RBM20: variants seen among roughly 807,000 people sequenced by gnomAD.
RBM20 encodes RNA-binding protein 20.
RBM20 carries 51 observed loss-of-function variants against 110.1 expected under a neutral mutation model. That is an observed-to-expected ratio of 0.46 (90% CI 0.37 to 0.59). RBM20 has a LOEUF of 0.59. Ranked by LOEUF, RBM20 falls within the 20% of genes least tolerant of loss-of-function variation. RBM20 has a pLI of 0.00. For missense variants in RBM20, 1,512 were observed against 1,574.9 expected, an observed-to-expected ratio of 0.96 and a Z score of 0.68; for synonymous variants, 589 against 618.2, an observed-to-expected ratio of 0.95 and a Z score of 0.70.
At chr10:110,738,317 G>T (rs535535500) in intron 1 of RBM20, among the ~76,000 whole-genome samples, 2 of 152,172 alleles carry the variant, frequency 1.3e-5, no homozygotes, top group African/African-American at 4.8e-5. Context: ...AGTGCCCACT[G>T]CTGCTTACAG....
chr10:110,768,106 T>A (rs958734611), intron 1 of RBM20, among the ~76,000 whole-genome samples: 2 of 152,206 alleles, frequency 1.3e-5, no homozygotes, highest in African/African-American at 4.8e-5. Flanking sequence ...GGCGCGCGCC[T>A]GCAATCGCAG....
chr10:110,661,468 G>T (rs542838480), intron 1 of RBM20, among the ~76,000 whole-genome samples: 1 of 152,292 alleles, frequency 6.6e-6, no homozygotes, highest in African/African-American at 2.4e-5. Context: ...GGCCAAAAAA[G>T]ATTGGAACAA....
rs1262098014 is a variant in RBM20 at position 110,836,834 on chromosome 10, A to C, written c.*856A>C. 1 of 152,192 alleles carries C rather than the reference A, an allele frequency of 6.6e-6. No individual in the cohort carries two copies. The highest frequency in any genetic ancestry group is 1.5e-5 in the Non-Finnish European group (1 of 68,036). 9.4% of individuals were successfully genotyped at this position (152,192 alleles called of 1,614,324 possible). On this transcript the variant is annotated 3_prime_UTR_variant, in exon 14 of 14. Coordinates refer to ENST00000369519, the MANE Select transcript of RBM20 (RefSeq NM_001134363.3). ...AGAGTCACTGTAATTAAATATAAAA[A>C]CAGAAGCATCTTCCTCCAGCTAAAG...
At chr10:110,719,410 G>T (rs575901187) in intron 1 of RBM20, among the ~76,000 whole-genome samples, 2 of 152,316 alleles carry the variant, frequency 1.3e-5, no homozygotes, top group African/African-American at 4.8e-5. Flanking sequence ...ACATGTGATT[G>T]TGTGTCCTTC....
Position 110,790,692 on chromosome 10 carries a change from A to G in RBM20, c.1527+5803A>G, listed in dbSNP as rs182463481. On this transcript the variant is annotated intron_variant, in intron 5 of 13. Coordinates refer to ENST00000369519, the MANE Select transcript of RBM20 (RefSeq NM_001134363.3). ...TTTTCACTTAACATAAGCTTTCAAT[A>G]TATATTTAAATCGATTTCTAGACAT... Among the ~76,000 whole-genome samples, 600 of 152,316 alleles carry G rather than the reference A, an allele frequency of 3.9e-3. 4 individuals carry two copies. Among genetic ancestry groups the G allele is most frequent in the African/African-American group, 0.013 (548 of 41,550 alleles).
intron 1 of RBM20, among the ~76,000 whole-genome samples, chr10:110,722,825 C>T (rs1362014716): frequency 1.3e-5 from 2 of 152,104 alleles, no homozygotes; most frequent in African/African-American, 4.8e-5. Context: ...ATGATTCTCC[C>T]AGTGGGCTGA....
At chr10:110,769,262 G>A (rs915238013) in intron 1 of RBM20, among the ~76,000 whole-genome samples, 7 of 145,270 alleles carry the variant, frequency 4.8e-5, no homozygotes, top group African/African-American at 1.0e-4. Context: ...CCTTTTTTTT[G>A]TTGTTGTTTA....
intron 1 of RBM20, among the ~76,000 whole-genome samples, chr10:110,709,201 A>C (rs1221904870): frequency 6.6e-6 from 1 of 152,140 alleles, no homozygotes; most frequent in Non-Finnish European, 1.5e-5. Context: ...ACCCTTGTTG[A>C]CATCTCAGCC....
At chr10:110,768,034 C>T (rs1304707165) in intron 1 of RBM20, among the ~76,000 whole-genome samples, 1 of 152,250 alleles carries the variant, frequency 6.6e-6, no homozygotes, top group African/African-American at 2.4e-5. Context: ...TGGAGACCAG[C>T]CCGGCCAACA....
chr10:110,768,214 AC>A (rs1282288326), intron 1 of RBM20, among the ~76,000 whole-genome samples: 1 of 151,634 alleles, frequency 6.6e-6, no homozygotes. Context: ...TCAGAGGTAG[AC>A]CGTGGAAAGA....
chr10:110,660,290 C>T (rs1213066013), intron 1 of RBM20, among the ~76,000 whole-genome samples: 1 of 152,156 alleles, frequency 6.6e-6, no homozygotes, highest in Non-Finnish European at 1.5e-5. Context: ...TGATTGCTCA[C>T]GATTCCTCAG....
intron 1 of RBM20, among the ~76,000 whole-genome samples, chr10:110,652,558 G>A (rs1471433979): frequency 6.6e-6 from 1 of 152,134 alleles, no homozygotes; most frequent in African/African-American, 2.4e-5. Context: ...GTATTGCACT[G>A]TCTTGAAGAC....
At chr10:110,686,035 A>G (rs1862499767) in intron 1 of RBM20, among the ~76,000 whole-genome samples, 1 of 152,188 alleles carries the variant, frequency 6.6e-6, no homozygotes, top group Non-Finnish European at 1.5e-5. Flanking sequence ...AGCATCTTGC[A>G]TCCACATTGA....
chr10:110,767,774 A>G (rs10749052), intron 1 of RBM20, among the ~76,000 whole-genome samples: 66,541 of 151,080 alleles, frequency 0.44, 14,738 homozygotes, highest in East Asian at 0.51. Context: ...ATGGGATGGC[A>G]GCCGAGAAGA....
Position 110,739,959 on chromosome 10 carries a change from C to T in RBM20, c.192-40842C>T, listed in dbSNP as rs764276562. Among the ~76,000 whole-genome samples the T allele has an allele frequency of 5.3e-5, 8 of 152,248 alleles. No individual in the cohort carries two copies. Among genetic ancestry groups the T allele is most frequent in the Non-Finnish European group, 1.2e-4 (8 of 68,038 alleles). On this transcript the variant is annotated intron_variant, in intron 1 of 13. Coordinates refer to ENST00000369519, the MANE Select transcript of RBM20 (RefSeq NM_001134363.3). This position sits in a 1 kb window ranked among gnomAD's most constrained non-coding sequence, Gnocchi z 4.1. The stretch of plus-strand genomic sequence containing the variant: ...TTCCCAGCCCCACTATACTGTCTCC[C>T]TCTCCCTCCTTCTCCAAGTGCCCAG...
intron 1 of RBM20, among the ~76,000 whole-genome samples, chr10:110,773,898 G>A (rs981034764): frequency 1.3e-5 from 2 of 152,096 alleles, no homozygotes; most frequent in African/African-American, 4.8e-5. Flanking sequence ...CTGAAAGCCC[G>A]GGGATCTGAT....
At chr10:110,781,974 A>T (rs1030861474) in intron 2 of RBM20, 90 bp downstream of exon 2, 2 of 1,478,842 alleles carry the variant, frequency 1.4e-6, no homozygotes, top group African/African-American at 2.8e-5. Context: ...ATGGGCAAGG[A>T]ACTGTTGCAT....
At chr10:110,775,453 C>T (rs1347381578) in intron 1 of RBM20, among the ~76,000 whole-genome samples, 1 of 152,202 alleles carries the variant, frequency 6.6e-6, no homozygotes, top group East Asian at 1.9e-4. Flanking sequence ...AGAGAGCCTG[C>T]TGATACATCT....
chr10:110,801,912 T>C (rs1332054962), intron 7 of RBM20, among the ~76,000 whole-genome samples: 2 of 152,150 alleles, frequency 1.3e-5, no homozygotes, highest in Non-Finnish European at 2.9e-5. Context: ...TTCATCTGTT[T>C]GTTGGCTGTT....
Sources: gnomAD v4.1 joint callset for allele counts (sites outside exome capture counted in the v4.1 genomes callset) on GRCh38, gnomAD v4.1.1 for gene constraint, Gnocchi (gnomAD v3.1) non-coding constraint, MANE v1.5 for transcripts, NCBI Gene and HGNC (gene_info 2026-07-23, HGNC 2026-07-21) for gene names.